NOL4: variants seen among roughly 807,000 people sequenced by gnomAD.
NOL4 encodes cancer/testis antigen 125.
A neutral mutation model predicts 75.9 loss-of-function variants in NOL4; 17 were observed. The ratio of observed to expected loss-of-function variants is 0.22; its 90% CI spans 0.15 to 0.34. The LOEUF (loss-of-function observed/expected upper bound fraction) is 0.34, where lower values mean the gene tolerates loss of function less well. NOL4 is among the 10% of genes least tolerant of loss of function. NOL4 has a pLI of 1.00. For missense variants in NOL4, 614 were observed against 793.5 expected (o/e 0.77, Z 2.72); for synonymous variants, 292 against 289.9 (o/e 1.01, Z -0.07).
At chr18:34,004,136 GAA>G (rs959494805) in intron 6 of NOL4, among the ~76,000 whole-genome samples, 1 of 151,992 alleles carries the variant, frequency 6.6e-6, no homozygotes, top group Non-Finnish European at 1.5e-5. Flanking sequence ...CTGCCCATCA[GAA>G]AATCTTTGAA....
At chr18:34,205,457 C>T (rs1232983897) in intron 1 of NOL4, among the ~76,000 whole-genome samples, 1 of 152,076 alleles carries the variant, frequency 6.6e-6, no homozygotes, top group Admixed American at 6.6e-5. Context: ...GTATTTTACA[C>T]TTTTCTCCAC....
At chr18:34,043,828 A>G (rs2076244402) in intron 5 of NOL4, among the ~76,000 whole-genome samples, 1 of 152,092 alleles carries the variant, frequency 6.6e-6, no homozygotes, top group African/African-American at 2.4e-5. Context: ...TTAGGGTGCC[A>G]TCTCGAAAAC....
At chr18:34,174,173 A>G (rs78737916) in intron 1 of NOL4, among the ~76,000 whole-genome samples, 5,196 of 152,186 alleles carry the variant, frequency 0.034, 90 homozygotes, top group Middle Eastern at 0.048. Context: ...CCTTTAGGGG[A>G]CCCGAAACTA....
intron 9 of NOL4, among the ~76,000 whole-genome samples, chr18:33,904,022 G>A (rs2065891155): frequency 6.6e-6 from 1 of 152,092 alleles, no homozygotes; most frequent in African/African-American, 2.4e-5. Flanking sequence ...ATGGCTGATG[G>A]TTCAACACAT....
intron 1 of NOL4, among the ~76,000 whole-genome samples, chr18:34,134,124 T>C (rs1319694052): frequency 1.3e-5 from 2 of 152,156 alleles, no homozygotes; most frequent in Non-Finnish European, 2.9e-5. Flanking sequence ...TATTTTAACA[T>C]ATATAGATGT....
intron 5 of NOL4, among the ~76,000 whole-genome samples, chr18:34,024,231 C>A (rs1201204039): frequency 9.9e-6 from 1 of 100,750 alleles, no homozygotes. Context: ...CTCATTTTAA[C>A]ATTAGTACTT....
intron 6 of NOL4, among the ~76,000 whole-genome samples, chr18:33,969,215 C>T (rs1174202835): frequency 2.0e-5 from 3 of 152,174 alleles, no homozygotes; most frequent in South Asian, 4.2e-4. Context: ...TAAATCTTCT[C>T]GCAATATGAT....
chr18:34,222,200 G>C (rs1377465912), intron 1 of NOL4: 22 of 1,447,978 alleles, frequency 1.5e-5, no homozygotes, highest in East Asian at 8.0e-5. Context: ...GCCTGGGCTA[G>C]AGCTTTGTGG....
At chr18:34,053,107 AG>A (rs1418065263) in intron 5 of NOL4, among the ~76,000 whole-genome samples, 1 of 152,010 alleles carries the variant, frequency 6.6e-6, no homozygotes, top group Non-Finnish European at 1.5e-5. Context: ...GCTAATAGGT[AG>A]AGAACTTTTG....
chr18:34,212,302 T>C (rs1230941910), intron 1 of NOL4, among the ~76,000 whole-genome samples: 5 of 152,228 alleles, frequency 3.3e-5, no homozygotes, highest in Admixed American at 6.5e-5. Context: ...TACTAAATTA[T>C]AGACCATCTC....
At chr18:33,881,005 A>C (rs1234801952) in intron 10 of NOL4, among the ~76,000 whole-genome samples, 3 of 152,060 alleles carry the variant, frequency 2.0e-5, no homozygotes, top group Non-Finnish European at 4.4e-5. Flanking sequence ...TCTTCTCTCA[A>C]GTTTAAAAAA....
At chr18:34,145,764 A>C (rs2081371399) in intron 1 of NOL4, among the ~76,000 whole-genome samples, 1 of 152,052 alleles carries the variant, frequency 6.6e-6, no homozygotes, top group Non-Finnish European at 1.5e-5. Flanking sequence ...ATACTTCAAA[A>C]AATTTGTTTC....
chr18:33,891,150 C>T (rs1295119434), intron 9 of NOL4, among the ~76,000 whole-genome samples: 1 of 151,804 alleles, frequency 6.6e-6, no homozygotes, highest in Non-Finnish European at 1.5e-5. Context: ...GTAAATCTTG[C>T]CAAAAGATTA....
Position 33,869,109 on chromosome 18 carries a change from A to G in NOL4, c.1723+14135T>C, listed in dbSNP as rs4145830. 3.6e-4 allele frequency among the ~76,000 whole-genome samples: 54 copies of G among 152,008 alleles called. No homozygotes were observed. In the East Asian group the frequency reaches 6.6e-3, roughly 19 times the overall value. The stretch of plus-strand genomic sequence containing the variant: ...TATGTCATCTGTATTCACATATTTT[A>G]AGTCCCTCAAATTTTACTGTAAGTA... On this transcript the variant is annotated intron_variant, in intron 10 of 10. Transcript: ENST00000261592.
chr18:34,135,886 A>T (rs2080871304), intron 1 of NOL4, among the ~76,000 whole-genome samples: 2 of 152,012 alleles, frequency 1.3e-5, no homozygotes, highest in Non-Finnish European at 2.9e-5. Context: ...TCACAGGATA[A>T]AAAAGATATA....
At chr18:33,954,620 T>C (rs1300740684) in intron 8 of NOL4, among the ~76,000 whole-genome samples, 1 of 152,076 alleles carries the variant, frequency 6.6e-6, no homozygotes, top group Non-Finnish European at 1.5e-5. Flanking sequence ...GGGTGGTTGA[T>C]GGAGCAATGC....
intron 4 of NOL4, among the ~76,000 whole-genome samples, chr18:34,096,928 G>A (rs2078813962): frequency 6.6e-6 from 1 of 152,024 alleles, no homozygotes; most frequent in Admixed American, 6.6e-5. Flanking sequence ...TTTCATTTTA[G>A]TTTTCAAGTT....
intron 1 of NOL4, among the ~76,000 whole-genome samples, chr18:34,167,496 C>T (rs1475177666): frequency 6.6e-6 from 1 of 151,380 alleles, no homozygotes; most frequent in Non-Finnish European, 1.5e-5. Flanking sequence ...AAGTATCTTT[C>T]TAAAATGAAA....
intron 6 of NOL4, among the ~76,000 whole-genome samples, chr18:34,001,536 G>A (rs1047958160): frequency 1.3e-5 from 2 of 152,014 alleles, no homozygotes; most frequent in Non-Finnish European, 2.9e-5. Flanking sequence ...AGCACACCAC[G>A]TCAACATGAC....
Sources: gnomAD v4.1 joint callset for allele counts (sites outside exome capture counted in the v4.1 genomes callset) on GRCh38, gnomAD v4.1.1 for gene constraint, MANE v1.5 for transcripts, NCBI Gene and HGNC (gene_info 2026-07-23, HGNC 2026-07-21) for gene names.